The following EFCAB8 variants were observed in gnomAD, a reference collection of about 807,000 sequenced individuals.
EFCAB8 encodes EF-hand calcium-binding domain-containing protein 8.
Under a neutral mutation model 116.3 loss-of-function variants are expected in EFCAB8, and 100 were observed. That is an observed-to-expected ratio of 0.86 (90% CI 0.73 to 1.02). EFCAB8 has a LOEUF of 1.02. Among genes scored for constraint, EFCAB8 ranks in the 50% least tolerant of loss-of-function variants. EFCAB8 has a pLI of 0.00. For synonymous variants in EFCAB8, 558 were observed against 567.9 expected, an observed-to-expected ratio of 0.98 and a Z score of 0.25; for missense variants, 1,320 against 1,416.9, an observed-to-expected ratio of 0.93 and a Z score of 1.10.
chr20:32,904,930 A>G (rs1247104377), intron 11 of EFCAB8, among the ~76,000 whole-genome samples: 3 of 152,146 alleles, frequency 2.0e-5, no homozygotes, highest in South Asian at 2.1e-4. Flanking sequence ...CCTGGCCAGA[A>G]TGGAGTTTTG....
intron 7 of EFCAB8, among the ~76,000 whole-genome samples, chr20:32,889,804 C>T (rs1985821930): frequency 6.6e-6 from 1 of 151,980 alleles, no homozygotes; most frequent in South Asian, 2.1e-4. Context: ...GAGTTCAAGA[C>T]CAGCCTGGCC....
chr20:32,896,759 G>A (rs971651893), intron 10 of EFCAB8, among the ~76,000 whole-genome samples: 1 of 152,154 alleles, frequency 6.6e-6, no homozygotes, highest in African/African-American at 2.4e-5. Flanking sequence ...GGTCCTGGCC[G>A]ACACCGCCTC....
At chr20:32,878,445 C>A (rs1028987576) in intron 4 of EFCAB8, among the ~76,000 whole-genome samples, 3 of 151,858 alleles carry the variant, frequency 2.0e-5, no homozygotes, top group African/African-American at 7.3e-5. Flanking sequence ...GCCACCAGAG[C>A]CTATCGGAAG....
chr20:32,916,933 T>C (rs946818075), intron 17 of EFCAB8: 3 of 198,330 alleles, frequency 1.5e-5, no homozygotes, highest in African/African-American at 7.0e-5. Context: ...TAGGGTAGGA[T>C]GAGCATTCCA....
At chr20:32,943,465 A>G (rs1988467939) in intron 22 of EFCAB8, among the ~76,000 whole-genome samples, 171 bp from the exon 23 acceptor site, 1 of 152,214 alleles carries the variant, frequency 6.6e-6, no homozygotes, top group African/African-American at 2.4e-5. Context: ...AAGTGCCGGG[A>G]CCTATGTAAG....
intron 23 of EFCAB8, among the ~76,000 whole-genome samples, chr20:32,947,365 CTTAA>C (rs1600462759): frequency 6.6e-6 from 1 of 152,158 alleles, no homozygotes; most frequent in Non-Finnish European, 1.5e-5. Context: ...AACAATTTTA[CTTAA>C]TTAACATTTA....
intron 6 of EFCAB8, among the ~76,000 whole-genome samples, chr20:32,887,076 G>C (rs1411268344): frequency 6.6e-6 from 1 of 152,120 alleles, no homozygotes; most frequent in East Asian, 1.9e-4. Context: ...GAACCACCTG[G>C]GGAGCCCGAG....
rs76814988 is a variant in EFCAB8 at position 32,896,283 on chromosome 20, G to A, written c.884-171G>A. ...CCTGAGTCTTTTTCCTGGGGTGGGG[G>A]CACTCCGCTCAGCTCACCAGGACAC... is the stretch of plus-strand genomic sequence containing the variant. On this transcript the variant is annotated intron_variant, in intron 9 of 26. Transcript: ENST00000400522. Among the ~76,000 whole-genome samples the A allele has an allele frequency of 4.1e-3, 627 of 152,258 alleles. 9 individuals are homozygous for A. Among genetic ancestry groups the A allele is most frequent in the African/African-American group, 0.014 (593 of 41,554 alleles).
chr20:32,950,790 C>T (rs1988773837), intron 23 of EFCAB8, among the ~76,000 whole-genome samples: 1 of 152,136 alleles, frequency 6.6e-6, no homozygotes. Context: ...GAGACCTCCC[C>T]CTCCCTCTGT....
intron 1 of EFCAB8, among the ~76,000 whole-genome samples, chr20:32,860,313 C>CAA (rs150743879): frequency 2.3e-4 from 34 of 148,620 alleles, no homozygotes; most frequent in Admixed American, 1.3e-3. Context: ...AAAATAAAAG[C>CAA]AAAAAAAAAC....
At chr20:32,879,119 T>A (rs1413956482) in intron 5 of EFCAB8, among the ~76,000 whole-genome samples, 1 of 152,202 alleles carries the variant, frequency 6.6e-6, no homozygotes, top group East Asian at 1.9e-4. Context: ...CATTCCCCAG[T>A]ATACAGCATT....
chr20:32,959,840 C>A lies in EFCAB8; in HGVS notation c.3152C>A (p.Ala1051Asp), dbSNP rs556871159. Reference sequence around the variant, plus strand: ...CGGCGAGAGCAGGCGGCGCTGATGGCTCTCCTGCATGGGAAGGCAGATAAG... The same window carrying A: ...CGGCGAGAGCAGGCGGCGCTGATGGATCTCCTGCATGGGAAGGCAGATAAG... Reference protein sequence around the residue: ...YQRREQAALMALLHGKADKEA... With the variant: ...YQRREQAALMDLLHGKADKEA... The change falls in exon 25 of 27, where the codon GCT becomes GAT. Residue 1051 changes from alanine to aspartate, a missense_variant. Ala to Asp is a moderately radical substitution (Grantham distance 126, BLOSUM62 -2). Transcript: ENST00000400522. The A allele has an allele frequency of 6.5e-7, 1 of 1,546,518 alleles. No individual in the cohort carries two copies. The highest frequency in any genetic ancestry group is 1.4e-5 in the African/African-American group (1 of 73,076).
chr20:32,936,583 T>C (rs922428142), intron 22 of EFCAB8, among the ~76,000 whole-genome samples: 1 of 152,244 alleles, frequency 6.6e-6, no homozygotes, highest in Non-Finnish European at 1.5e-5. Context: ...TTCCCCATTA[T>C]GTATTAGTAA....
intron 22 of EFCAB8, among the ~76,000 whole-genome samples, chr20:32,937,655 A>G (rs546847252): frequency 1.3e-5 from 2 of 152,034 alleles, no homozygotes; most frequent in South Asian, 2.1e-4. Flanking sequence ...GTCTCACTCT[A>G]TTGCCCAGGC....
chr20:32,909,029 G>T (rs1986804661), intron 14 of EFCAB8, among the ~76,000 whole-genome samples: 1 of 152,212 alleles, frequency 6.6e-6, no homozygotes, highest in Admixed American at 6.5e-5. Flanking sequence ...GAGGCTTGGG[G>T]AGCTGCAAGG....
rs2146310353 is a variant in EFCAB8, at chr20:32,961,450, A to G, written c.3708A>G (p.Thr1236=). 1 of 1,454,692 alleles carries G rather than the reference A, an allele frequency of 6.9e-7. No homozygotes were observed. The highest frequency in any genetic ancestry group is 1.5e-5 in the South Asian group (1 of 67,814). The allele number at this position is 1,454,692 out of a possible 1,614,324, so 90.1% of individuals were successfully genotyped here. The change falls in exon 27 of 27, where the codon ACA becomes ACG. Residue 1236 remains threonine, a synonymous_variant. Transcript: ENST00000400522. The part of the protein sequence containing the change: ...SFLLRPQSAS[T]AHSTPSVPSP... ...TGCTGCGGCCCCAGTCAGCCTCCACAGCCCATTCCACCCCCTCGGTCCCAT... is the reference window on the plus strand; with the variant it reads ...TGCTGCGGCCCCAGTCAGCCTCCACGGCCCATTCCACCCCCTCGGTCCCAT...
intron 2 of EFCAB8, 151 bp from the exon 3 acceptor site, chr20:32,867,431 A>G (rs768809652): frequency 2.3e-6 from 2 of 868,362 alleles, no homozygotes; most frequent in Non-Finnish European, 3.4e-6. Flanking sequence ...AGGTGTAAAA[A>G]TGGTTAAGAA....
At chr20:32,895,675 G>T (rs976941753) in intron 9 of EFCAB8, among the ~76,000 whole-genome samples, 1 of 151,046 alleles carries the variant, frequency 6.6e-6, no homozygotes, top group Non-Finnish European at 1.5e-5. Context: ...GGGTTCAAGT[G>T]ATTCTCCCGC....
chr20:32,893,924 C>T (rs1986039234), intron 9 of EFCAB8, among the ~76,000 whole-genome samples: 1 of 152,208 alleles, frequency 6.6e-6, no homozygotes, highest in Non-Finnish European at 1.5e-5. Flanking sequence ...TGTACACGCC[C>T]CTGCCTGGTG....
Sources: allele counts gnomAD v4.1 joint callset (sites outside exome capture counted in the v4.1 genomes callset), GRCh38; gene constraint gnomAD v4.1.1; transcripts MANE v1.5; gene names NCBI Gene and HGNC (gene_info 2026-07-23, HGNC 2026-07-21).